Variants in TAF4B observed in about 807,000 individuals in gnomAD.
TAF4B encodes the protein TATA-box binding protein associated factor 4b.
Under a neutral mutation model 86.4 loss-of-function variants are expected in TAF4B, and 38 were observed. That is an observed-to-expected ratio of 0.44 (90% CI 0.34 to 0.58). TAF4B has a LOEUF of 0.58. Among genes scored for constraint, TAF4B ranks in the 20% least tolerant of loss-of-function variants. The pLI is 0.02. For missense variants in TAF4B, 988 were observed against 1,027.6 expected (o/e 0.96, Z 0.53); for synonymous variants, 388 against 391.2 (o/e 0.99, Z 0.10).
chr18:26,317,412 C>T (rs2056923560), intron 10 of TAF4B, among the ~76,000 whole-genome samples: 1 of 152,112 alleles, frequency 6.6e-6, no homozygotes, highest in South Asian at 2.1e-4. Context: ...CATTTTTGAT[C>T]ACTTAGGACA....
intron 1 of TAF4B, among the ~76,000 whole-genome samples, chr18:26,228,661 G>T (rs2055615497): frequency 6.6e-6 from 1 of 151,898 alleles, no homozygotes; most frequent in East Asian, 1.9e-4. Flanking sequence ...TGTCTGAGAG[G>T]CTAAGGCACG....
rs753580212 is a variant in TAF4B at position 26,227,087 on chromosome 18, G to T, written c.154G>T (p.Val52Phe). 5 of 1,609,230 alleles carry T rather than the reference G, an allele frequency of 3.1e-6. No homozygotes were observed. The Admixed American group carries it at 6.7e-5, about 22-fold the overall frequency. Residue 52 changes from valine to phenylalanine, a missense_variant, in exon 1 of 15, where the codon GTC becomes TTC. Around this residue, in one of 3 missense-constraint regions of TAF4B, gnomAD observed 747 missense variants for 737.9 expected, o/e 1.01. Coordinates refer to ENST00000269142, the MANE Select transcript of TAF4B (RefSeq NM_005640.3). ...LGAVTKAPVS[V>F]CVEPTASQPL... ...CGCCGTGACTAAGGCTCCTGTCAGCGTCTGCGTGGAGCCCACGGCGTCCCA... is the reference window on the plus strand; with the variant it reads ...CGCCGTGACTAAGGCTCCTGTCAGCTTCTGCGTGGAGCCCACGGCGTCCCA...
At chr18:26,297,133 T>C (rs1156807523) in intron 9 of TAF4B, among the ~76,000 whole-genome samples, 1 of 132,416 alleles carries the variant, frequency 7.6e-6, no homozygotes, top group South Asian at 2.2e-4. Context: ...GACTGTCTCA[T>C]TAAAAAAAAA....
chr18:26,358,349 T>A (rs1476343001), intron 14 of TAF4B, among the ~76,000 whole-genome samples: 1 of 152,234 alleles, frequency 6.6e-6, no homozygotes, highest in Non-Finnish European at 1.5e-5. Flanking sequence ...GTATACTCAA[T>A]AAATGACCTT....
At chr18:26,312,339 T>C (rs562955696) in intron 9 of TAF4B, among the ~76,000 whole-genome samples, 1 of 152,318 alleles carries the variant, frequency 6.6e-6, no homozygotes, top group South Asian at 2.1e-4. Flanking sequence ...AAGTTTTAAA[T>C]AGCTTGGGTG....
chr18:26,366,786 A>G (rs1010579795), intron 14 of TAF4B, among the ~76,000 whole-genome samples: 1 of 152,220 alleles, frequency 6.6e-6, no homozygotes, highest in Admixed American at 6.5e-5. Context: ...GTTGTTAATT[A>G]AGTATTGGCA....
intron 9 of TAF4B, among the ~76,000 whole-genome samples, chr18:26,312,532 C>T (rs1366562110): frequency 6.6e-6 from 1 of 152,126 alleles, no homozygotes; most frequent in African/African-American, 2.4e-5. Flanking sequence ...CAGGGAAAGG[C>T]TGCAAGATTC....
chr18:26,383,152 A>G (rs1358029947), intron 14 of TAF4B, among the ~76,000 whole-genome samples: 3 of 152,234 alleles, frequency 2.0e-5, no homozygotes, highest in African/African-American at 7.2e-5. Flanking sequence ...ATGGATGGCC[A>G]TATATGTCAT....
In TAF4B at chr18:26,335,506, T is replaced by TA. The variant is rs576708532; in HGVS notation, c.2316+284dup. Among the ~76,000 whole-genome samples the TA allele has an allele frequency of 4.1e-3, 624 of 151,652 alleles. 1 individual carries two copies. Among genetic ancestry groups the TA allele is most frequent in the Non-Finnish European group, 6.0e-3 (407 of 67,830 alleles). On this transcript the variant is annotated intron_variant, in intron 13 of 14. Coordinates refer to ENST00000269142, the MANE Select transcript of TAF4B (RefSeq NM_005640.3). ...CTTGGAGGAATATAATGTGAGATTT[T>TA]AAAAAAAAAGAAACTTTTGAGATTT...
intron 7 of TAF4B, among the ~76,000 whole-genome samples, chr18:26,291,300 A>C (rs1024275719): frequency 6.6e-6 from 1 of 151,796 alleles, no homozygotes; most frequent in South Asian, 2.1e-4. Flanking sequence ...TCACTCTGTC[A>C]CCCAGGCTGG....
intron 1 of TAF4B, among the ~76,000 whole-genome samples, chr18:26,262,304 G>A (rs1386180250): frequency 6.6e-6 from 1 of 151,998 alleles, no homozygotes; most frequent in Non-Finnish European, 1.5e-5. Context: ...AGGGAGCCCT[G>A]TCTTCTTGGC....
At chr18:26,292,715 GT>G (rs987842240) in intron 8 of TAF4B, among the ~76,000 whole-genome samples, 4 of 152,248 alleles carry the variant, frequency 2.6e-5, no homozygotes, top group South Asian at 2.1e-4. Flanking sequence ...TAGAGACTGG[GT>G]TTTACCATGT....
intron 1 of TAF4B, among the ~76,000 whole-genome samples, chr18:26,254,258 C>T (rs914561366): frequency 6.6e-6 from 1 of 151,980 alleles, no homozygotes; most frequent in Non-Finnish European, 1.5e-5. Context: ...TTGAGTCTTT[C>T]CTTTGTTCTT....
At chr18:26,332,689 C>T (rs1436825394) in intron 12 of TAF4B, among the ~76,000 whole-genome samples, 1 of 152,088 alleles carries the variant, frequency 6.6e-6, no homozygotes, top group African/African-American at 2.4e-5. Flanking sequence ...GCCACCATGC[C>T]TGGCTACTTT....
chr18:26,236,933 G>C (rs1246064300), intron 1 of TAF4B, among the ~76,000 whole-genome samples: 1 of 152,132 alleles, frequency 6.6e-6, no homozygotes, highest in Non-Finnish European at 1.5e-5. Context: ...CGGGTGACAG[G>C]GGAGTATATT....
intron 9 of TAF4B, chr18:26,304,940 C>T (rs1008093349): frequency 1.1e-6 from 1 of 901,220 alleles, no homozygotes; most frequent in Middle Eastern, 5.7e-4. Context: ...TATTGCTTTC[C>T]AGACTTATGT....
At chr18:26,308,089 A>G (rs2056814882) in intron 9 of TAF4B, among the ~76,000 whole-genome samples, 1 of 151,940 alleles carries the variant, frequency 6.6e-6, no homozygotes, top group Admixed American at 6.6e-5. Context: ...AGCCAAAAAC[A>G]AAAAACCCCC....
At chr18:26,340,149 A>G (rs1365732051) in intron 13 of TAF4B, among the ~76,000 whole-genome samples, 1 of 152,240 alleles carries the variant, frequency 6.6e-6, no homozygotes, top group Middle Eastern at 3.2e-3. Context: ...TATAGAAAAT[A>G]TAGGTTATAA....
At chr18:26,249,289 G>A (rs1229426921) in intron 1 of TAF4B, among the ~76,000 whole-genome samples, 10 of 152,132 alleles carry the variant, frequency 6.6e-5, no homozygotes, top group Non-Finnish European at 1.3e-4. Context: ...GACCAGCCAG[G>A]CCAACATGGC....
Sources: allele counts gnomAD v4.1 joint callset (sites outside exome capture counted in the v4.1 genomes callset), GRCh38; gene constraint gnomAD v4.1.1; regional missense constraint gnomAD v4.1.1; transcripts MANE v1.5; gene names NCBI Gene and HGNC (gene_info 2026-07-23, HGNC 2026-07-21).